TESK2: variants seen among roughly 807,000 people sequenced by gnomAD.
The protein encoded by TESK2 is dual specificity testis-specific protein kinase 2.
A neutral mutation model predicts 57.1 loss-of-function variants in TESK2; 39 were observed. That is an observed-to-expected ratio of 0.68 (90% confidence interval 0.53 to 0.89). The LOEUF is 0.89. TESK2 is among the 40% of genes least tolerant of loss of function. The pLI is 0.00. For synonymous variants in TESK2, 249 were observed against 267.9 expected (o/e 0.93, Z 0.69); for missense variants, 646 against 732.1 (o/e 0.88, Z 1.36).
intron 10 of TESK2, 39 bp downstream of exon 10, chr1:45,345,838 C>T: frequency 1.9e-6 from 3 of 1,543,444 alleles, no homozygotes; most frequent in East Asian, 2.2e-5. Context: ...GAATTTCCTC[C>T]CTTAGGGTTA....
At chr1:45,403,631 G>C (rs1049505297) in intron 3 of TESK2, among the ~76,000 whole-genome samples, 1 of 152,054 alleles carries the variant, frequency 6.6e-6, no homozygotes, top group Non-Finnish European at 1.5e-5. Context: ...ATAATAACAA[G>C]AGGCCCAATC....
intron 4 of TESK2, among the ~76,000 whole-genome samples, chr1:45,380,185 C>A (rs888685223): frequency 6.6e-6 from 1 of 152,226 alleles, no homozygotes; most frequent in African/African-American, 2.4e-5. Context: ...CAGGCATGAG[C>A]CACTGCACCT....
intron 2 of TESK2, among the ~76,000 whole-genome samples, chr1:45,443,344 C>T (rs763880444): frequency 1.6e-4 from 24 of 151,876 alleles, no homozygotes; most frequent in Non-Finnish European, 1.5e-4. Flanking sequence ...GCAGGAGGAT[C>T]GCTTGAGGTC....
chr1:45,446,348 C>G (rs921834189), intron 2 of TESK2, among the ~76,000 whole-genome samples: 4 of 151,714 alleles, frequency 2.6e-5, no homozygotes, highest in African/African-American at 9.7e-5. Flanking sequence ...GTAGGCCTAG[C>G]TACTCAGGAG....
intron 3 of TESK2, among the ~76,000 whole-genome samples, chr1:45,418,184 A>C (rs1209949470): frequency 6.6e-6 from 1 of 152,228 alleles, no homozygotes; most frequent in Non-Finnish European, 1.5e-5. Context: ...TTTGCATTGC[A>C]ATTATGTATC....
chr1:45,464,905 G>C (rs1160010344), intron 1 of TESK2, among the ~76,000 whole-genome samples: 1 of 151,942 alleles, frequency 6.6e-6, no homozygotes, highest in Non-Finnish European at 1.5e-5. Context: ...GTTCCAGACT[G>C]GTCTGGTCAA....
intron 3 of TESK2, among the ~76,000 whole-genome samples, chr1:45,396,599 C>G (rs1012848879): frequency 2.0e-5 from 3 of 151,898 alleles, no homozygotes; most frequent in Non-Finnish European, 4.4e-5. Flanking sequence ...AGCAATTCTC[C>G]TGCCTCAGCC....
chr1:45,417,625 T>A (rs1430530034), intron 3 of TESK2, among the ~76,000 whole-genome samples: 1 of 151,872 alleles, frequency 6.6e-6, no homozygotes, highest in Non-Finnish European at 1.5e-5. Flanking sequence ...AGAGTCTCGC[T>A]CTGTCGCCTG....
rs1451986346 is a variant in TESK2, at chr1:45,345,400, A to T, written c.1156T>A (p.Tyr386Asn). 1 of 1,614,038 alleles carries T rather than the reference A, an allele frequency of 6.2e-7. No homozygotes were observed. The highest frequency in any genetic ancestry group is 8.5e-7 in the Non-Finnish European group (1 of 1,180,002). The change falls in exon 11 of 11, where the codon TAC becomes AAC. Residue 386 changes from tyrosine to asparagine, a missense_variant. Tyr to Asn is a moderately radical substitution (Grantham distance 143). Transcript: ENST00000372086. The stretch of plus-strand genomic sequence containing the variant: ...GCAGCACCATCTCGTGGCCGGTAGT[A>T]TGGGTCCAAGACACTCACTGTACGT... ...PPRTVSVLDP[Y>N]YRPRDGAART...
In TESK2 at chr1:45,483,588, G is replaced by A. The variant is rs556607985; in HGVS notation, c.-87+7264C>T. On this transcript the variant is annotated intron_variant, in intron 1 of 10. Coordinates refer to ENST00000372086, the MANE Select transcript of TESK2 (RefSeq NM_007170.3). ...GCCTGGGCAACAAGAACGAAACTCC[G>A]TCTCAGAAAAAAGAAAAAAAAAAAA... Among the ~76,000 whole-genome samples the A allele has an allele frequency of 4.1e-4, 58 of 141,412 alleles. 1 individual carries two copies. Among genetic ancestry groups the A allele is most frequent in the South Asian group, 1.1e-3 (5 of 4,368 alleles). The allele number at this position is 141,412 out of a possible 152,430, so 92.8% of individuals were successfully genotyped here.
chr1:45,378,940 T>C (rs542972905), intron 4 of TESK2, among the ~76,000 whole-genome samples: 1 of 152,304 alleles, frequency 6.6e-6, no homozygotes, highest in South Asian at 2.1e-4. Context: ...TAAACTACCA[T>C]GTGGTGGTTA....
At chr1:45,446,670 C>T (rs770610341) in intron 2 of TESK2, among the ~76,000 whole-genome samples, 9 of 152,034 alleles carry the variant, frequency 5.9e-5, no homozygotes, top group Non-Finnish European at 1.0e-4. Context: ...TGCATACAAA[C>T]AGTAGGTAAT....
chr1:45,410,822 AGT>A (rs2149283464), intron 3 of TESK2, among the ~76,000 whole-genome samples: 2 of 151,264 alleles, frequency 1.3e-5, no homozygotes, highest in East Asian at 3.9e-4. Flanking sequence ...TCTGTGTTTC[AGT>A]GGCACAACTG....
chr1:45,436,634 ATGTGCCACCAC>A (rs958523535), intron 2 of TESK2, among the ~76,000 whole-genome samples: 16 of 149,964 alleles, frequency 1.1e-4, no homozygotes, highest in African/African-American at 3.9e-4. Context: ...GATTACAGGC[ATGTGCCACCAC>A]ACACAGCTAA....
intron 1 of TESK2, among the ~76,000 whole-genome samples, chr1:45,469,585 A>T (rs564269994): frequency 3.3e-5 from 5 of 152,204 alleles, no homozygotes; most frequent in Non-Finnish European, 7.4e-5. Flanking sequence ...GTGAAAAATG[A>T]TTTGTGGGTT....
At chr1:45,489,744 C>T (rs946267774) in intron 1 of TESK2, among the ~76,000 whole-genome samples, 1 of 151,898 alleles carries the variant, frequency 6.6e-6, no homozygotes, top group Non-Finnish European at 1.5e-5. Flanking sequence ...GAGCTGAGAT[C>T]GTGCCACTGC....
intron 1 of TESK2, among the ~76,000 whole-genome samples, chr1:45,489,363 T>C (rs942864596): frequency 2.0e-5 from 3 of 152,210 alleles, no homozygotes; most frequent in Admixed American, 6.5e-5. Context: ...TCTTTCAGTA[T>C]TACCATTCCA....
chr1:45,448,277 C>A (rs1376209965), intron 2 of TESK2, among the ~76,000 whole-genome samples: 2 of 147,624 alleles, frequency 1.4e-5, no homozygotes, highest in Non-Finnish European at 3.0e-5. Context: ...AAGAAAACAA[C>A]CTGATTAAAA....
rs566363776 is a variant in TESK2, at chr1:45,452,032, C to CAAAAAAAAAAAAAAAAAA, written c.222+5531_222+5532insTTTTTTTTTTTTTTTTTT. On this transcript the variant is annotated intron_variant, in intron 2 of 10. Transcript: ENST00000372086. Reference sequence around the variant, plus strand: ...TGGGAGACAGAACAAGACTCCGTCTCAAAAAAAAAAAAAAATTTATTTGGT... The same window carrying CAAAAAAAAAAAAAAAAAA: ...TGGGAGACAGAACAAGACTCCGTCTCAAAAAAAAAAAAAAAAAAAAAAAAAAAAAAAAATTTATTTGGT... 6.4e-4 allele frequency among the ~76,000 whole-genome samples: 66 copies of CAAAAAAAAAAAAAAAAAA among 103,786 alleles called. 1 individual carries two copies. The highest frequency in any genetic ancestry group is 1.5e-3 in the African/African-American group (35 of 23,626). The allele number at this position is 103,786 out of a possible 152,430, so 68.1% of individuals were successfully genotyped here.
Sources: allele counts gnomAD v4.1 joint callset (sites outside exome capture counted in the v4.1 genomes callset), GRCh38; gene constraint gnomAD v4.1.1; transcripts MANE v1.5; gene names NCBI Gene and HGNC (gene_info 2026-07-23, HGNC 2026-07-21).